Variants in TRPM3 observed in about 807,000 individuals in gnomAD.
TRPM3 encodes the protein transient receptor potential cation channel subfamily M member 3, also known as long transient receptor potential channel 3.
In TRPM3, 77 loss-of-function variants were observed where a neutral mutation model predicts 181.2. That is an observed-to-expected ratio of 0.42 (90% CI 0.35 to 0.51). TRPM3 has a LOEUF of 0.51. TRPM3 is among the 20% of genes least tolerant of loss of function. The pLI is 0.01. For synonymous variants in TRPM3, 745 were observed against 796.4 expected (o/e 0.94, Z 1.09); for missense variants, 1,759 against 2,196.7 (o/e 0.80, Z 3.98).
chr9:71,288,992 A>G (rs1163956872), intron 1 of TRPM3, among the ~76,000 whole-genome samples: 1 of 152,122 alleles, frequency 6.6e-6, no homozygotes, highest in Admixed American at 6.6e-5. Flanking sequence ...GGAGAACACA[A>G]TTTACACAAT....
chr9:70,983,721 T>C (rs938975264), intron 1 of TRPM3, among the ~76,000 whole-genome samples: 3 of 152,128 alleles, frequency 2.0e-5, no homozygotes, highest in Admixed American at 6.5e-5. Flanking sequence ...GGACACCCTG[T>C]GTTATTGGTT....
chr9:70,980,544 G>A (rs1204624376), intron 1 of TRPM3, among the ~76,000 whole-genome samples: 1 of 152,042 alleles, frequency 6.6e-6, no homozygotes, highest in African/African-American at 2.4e-5. Flanking sequence ...ACTTCTGGAG[G>A]CTGCTCCCCG....
intron 22 of TRPM3, among the ~76,000 whole-genome samples, chr9:70,562,180 T>C (rs2049267794): frequency 6.6e-6 from 1 of 152,238 alleles, no homozygotes; most frequent in East Asian, 1.9e-4. Flanking sequence ...TATAAACTAG[T>C]GAATGGGGGT....
chr9:71,052,662 G>A (rs531010783), intron 1 of TRPM3, among the ~76,000 whole-genome samples: 1 of 152,046 alleles, frequency 6.6e-6, no homozygotes, highest in South Asian at 2.1e-4. Flanking sequence ...AAACAAACCA[G>A]ATAACCATTC....
chr9:71,333,605 T>C (rs1248876062), intron 1 of TRPM3, among the ~76,000 whole-genome samples: 1 of 151,908 alleles, frequency 6.6e-6, no homozygotes, highest in Admixed American at 6.6e-5. Flanking sequence ...AGGAACGGAA[T>C]TCCTCCAACA....
At chr9:71,162,649 TCTG>T (rs1407235638) in intron 1 of TRPM3, among the ~76,000 whole-genome samples, 2 of 152,184 alleles carry the variant, frequency 1.3e-5, no homozygotes, top group Non-Finnish European at 1.5e-5. Flanking sequence ...TTAGAAAATC[TCTG>T]CTAGTATCTT....
intron 1 of TRPM3, among the ~76,000 whole-genome samples, chr9:71,197,488 C>T (rs1187977178): frequency 1.3e-5 from 2 of 151,992 alleles, no homozygotes; most frequent in African/African-American, 4.8e-5. Context: ...GTCCCACCAA[C>T]AGTGTAAAAG....
chr9:70,810,067 T>A (rs548588673), intron 6 of TRPM3: 1 of 534,524 alleles, frequency 1.9e-6, no homozygotes, highest in Non-Finnish European at 3.8e-6. Flanking sequence ...ACGAGTCACA[T>A]GAAGAAAGAC....
At chr9:70,930,113 A>T (rs1487148910) in intron 1 of TRPM3, among the ~76,000 whole-genome samples, 1 of 152,190 alleles carries the variant, frequency 6.6e-6, no homozygotes, top group African/African-American at 2.4e-5. Flanking sequence ...CAGTTTTTAC[A>T]TCCATCTGTT....
intron 1 of TRPM3, among the ~76,000 whole-genome samples, chr9:70,890,775 G>T (rs530687869): frequency 6.6e-6 from 1 of 151,884 alleles, no homozygotes; most frequent in Non-Finnish European, 1.5e-5. Context: ...AATATGCTCC[G>T]TAAACAGGAA....
chr9:70,539,010 G>A (rs971400516), intron 25 of TRPM3, among the ~76,000 whole-genome samples: 1 of 152,202 alleles, frequency 6.6e-6, no homozygotes, highest in Non-Finnish European at 1.5e-5. Flanking sequence ...GAATTTAAAT[G>A]AGACCCATGC....
chr9:70,743,641 G>A (rs950629415), intron 8 of TRPM3, among the ~76,000 whole-genome samples: 1 of 152,014 alleles, frequency 6.6e-6, no homozygotes, highest in East Asian at 1.9e-4. Context: ...AGACTAGGGG[G>A]CACTGAGGTC....
intron 1 of TRPM3, among the ~76,000 whole-genome samples, chr9:71,089,038 C>A (rs957431075): frequency 1.3e-4 from 20 of 149,318 alleles, no homozygotes; most frequent in African/African-American, 4.7e-4. Context: ...CTCTCCAGGG[C>A]AGAAGGCAAC....
intron 1 of TRPM3, among the ~76,000 whole-genome samples, chr9:71,137,153 A>G (rs2074817483): frequency 1.3e-5 from 2 of 152,218 alleles, no homozygotes; most frequent in African/African-American, 4.8e-5. Context: ...TAATAATGCA[A>G]AAGTTAGTTT....
At chr9:71,063,267 T>C (rs538780421) in intron 1 of TRPM3, among the ~76,000 whole-genome samples, 6 of 152,278 alleles carry the variant, frequency 3.9e-5, no homozygotes, top group Non-Finnish European at 8.8e-5. Context: ...GCTGCTCCTA[T>C]GCAGGTGCTC....
chr9:70,672,325 T>C (rs990841980), intron 9 of TRPM3, among the ~76,000 whole-genome samples: 4 of 152,158 alleles, frequency 2.6e-5, no homozygotes, highest in Non-Finnish European at 5.9e-5. Flanking sequence ...TTCCTTCTGA[T>C]TGGGGTTTTC....
Position 70,533,457 on chromosome 9 carries a change from A to ATGG in TRPM3, c.*2493_*2495dup, listed in dbSNP as rs2041166660. On this transcript the variant is annotated 3_prime_UTR_variant, in exon 26 of 26. Transcript: ENST00000677713. Reference sequence around the variant, plus strand: ...TGGCCTTCCTGAGAATCACAGAGAGATGGTCTCAAATGTAAAGTGCCTATT... The same window carrying ATGG: ...TGGCCTTCCTGAGAATCACAGAGAGATGGTGGTCTCAAATGTAAAGTGCCTATT... 6.6e-6 allele frequency: 1 copy of ATGG among 152,228 alleles called. No individual in the cohort carries two copies. Among genetic ancestry groups the ATGG allele is most frequent in the African/African-American group, 2.4e-5 (1 of 41,460 alleles). 9.4% of individuals were successfully genotyped at this position (152,228 alleles called of 1,614,324 possible). A position where few individuals can be genotyped will look rare whatever the true frequency, so the allele number is the denominator to read the frequency against.
intron 1 of TRPM3, among the ~76,000 whole-genome samples, chr9:71,216,937 C>CTTTTTTTTT (rs10536771): frequency 4.1e-5 from 3 of 72,946 alleles, no homozygotes; most frequent in African/African-American, 1.7e-4. Context: ...GTGGCCCTTT[C>CTTTTTTTTT]TTTTTTTTTT....
At chr9:71,279,560 G>A (rs896281796) in intron 1 of TRPM3, among the ~76,000 whole-genome samples, 1 of 152,182 alleles carries the variant, frequency 6.6e-6, no homozygotes, top group Non-Finnish European at 1.5e-5. Flanking sequence ...CATTTAGTAA[G>A]CCTGGCATAA....
Sources: gnomAD v4.1 joint callset for allele counts (sites outside exome capture counted in the v4.1 genomes callset) on GRCh38, gnomAD v4.1.1 for gene constraint, MANE v1.5 for transcripts, NCBI Gene and HGNC (gene_info 2026-07-23, HGNC 2026-07-21) for gene names.